Variants in MECOM observed in about 807,000 individuals in gnomAD.
The protein encoded by MECOM is MDS1 and EVI1 complex locus.
In MECOM, 13 loss-of-function variants were observed where a neutral mutation model predicts 116.3. The ratio of observed to expected loss-of-function variants is 0.11; its 90% CI spans 0.07 to 0.18. The LOEUF (loss-of-function observed/expected upper bound fraction) is 0.18, where lower values mean the gene tolerates loss of function less well. Ranked by LOEUF, MECOM falls within the 10% of genes least tolerant of loss-of-function variation. The pLI, the probability that MECOM is intolerant of heterozygous loss-of-function variation, is 1.00. For synonymous variants in MECOM, 528 were observed against 535.2 expected, an observed-to-expected ratio of 0.99 and a Z score of 0.19; for missense variants, 1,299 against 1,509.0, an observed-to-expected ratio of 0.86 and a Z score of 2.31.
chr3:169,494,125 G>A (rs935004355), intron 1 of MECOM, among the ~76,000 whole-genome samples: 57 of 151,888 alleles, frequency 3.8e-4, no homozygotes, highest in African/African-American at 7.7e-4. Flanking sequence ...CCATTTCACC[G>A]TCTTCTCTGC....
Position 169,175,082 on chromosome 3 carries a change from T to C in MECOM, c.376-31250A>G, listed in dbSNP as rs578003195. 5.9e-5 allele frequency among the ~76,000 whole-genome samples: 9 copies of C among 152,280 alleles called. No individual in the cohort carries two copies. The East Asian group carries it at 1.7e-3, about 29-fold the overall frequency. ...CCAATCCCACCTCTGTTGCTTTCTG[T>C]TTCTAGCTCTACAATTTTCAAGTTA... On this transcript the variant is annotated intron_variant, in intron 2 of 16. Transcript: ENST00000651503.
chr3:169,509,147 A>G (rs1353311703), intron 1 of MECOM, among the ~76,000 whole-genome samples: 1 of 152,176 alleles, frequency 6.6e-6, no homozygotes, highest in African/African-American at 2.4e-5. Context: ...TCCCTGTCTA[A>G]GACTAGAACT....
intron 1 of MECOM, among the ~76,000 whole-genome samples, chr3:169,458,696 T>C (rs952313205): frequency 2.6e-5 from 4 of 152,312 alleles, no homozygotes; most frequent in East Asian, 3.9e-4. Context: ...TGACACTTTA[T>C]TGGTATTTTT....
At chr3:169,427,052 G>T (rs1006467978) in intron 1 of MECOM, among the ~76,000 whole-genome samples, 1 of 151,994 alleles carries the variant, frequency 6.6e-6, no homozygotes. Flanking sequence ...AACAAGCATG[G>T]ATATATAACA....
intron 10 of MECOM, among the ~76,000 whole-genome samples, chr3:169,103,881 T>C (rs568452215): frequency 3.4e-4 from 52 of 152,276 alleles, no homozygotes; most frequent in Non-Finnish European, 7.2e-4. Flanking sequence ...GTTCTCTTTT[T>C]TCCCCCTTTA....
intron 1 of MECOM, among the ~76,000 whole-genome samples, chr3:169,406,382 G>T (rs574855608): frequency 1.4e-4 from 22 of 152,262 alleles, no homozygotes; most frequent in Non-Finnish European, 2.8e-4. Context: ...GTCCTTTCCA[G>T]CTTATATTCT....
intron 2 of MECOM, among the ~76,000 whole-genome samples, chr3:169,248,690 C>T (rs138224685): frequency 7.4e-4 from 113 of 152,152 alleles, no homozygotes; most frequent in South Asian, 2.7e-3. Flanking sequence ...GAGCTGTTAT[C>T]GTGGGCCATA....
chr3:169,575,000 C>G (rs1281860763), intron 1 of MECOM, among the ~76,000 whole-genome samples: 1 of 151,990 alleles, frequency 6.6e-6, no homozygotes, highest in Admixed American at 6.5e-5. Context: ...ACAACCGAAG[C>G]AGGGGCAAAG....
rs114584812 is a variant in MECOM, at chr3:169,223,079, C to T, written c.376-79247G>A. Among the ~76,000 whole-genome samples the T allele has an allele frequency of 8.0e-3, 1,210 of 152,122 alleles. 15 individuals are homozygous for T. The highest frequency in any genetic ancestry group is 0.028 in the African/African-American group (1,153 of 41,494). ...CGCTAATTCTGTGGTATAAGAATGA[C>T]TCTAAGTATCTCTGCTTTCATACTG... On this transcript the variant is annotated intron_variant, in intron 2 of 16. Transcript: ENST00000651503.
At chr3:169,378,091 A>G (rs572787961) in intron 2 of MECOM, among the ~76,000 whole-genome samples, 117 of 151,390 alleles carry the variant, frequency 7.7e-4, no homozygotes, top group African/African-American at 2.6e-3. Flanking sequence ...CAAACAGCGC[A>G]TGTTCTCATT....
At chr3:169,163,108 G>C (rs1039529719) in intron 2 of MECOM, among the ~76,000 whole-genome samples, 1 of 152,084 alleles carries the variant, frequency 6.6e-6, no homozygotes, top group Non-Finnish European at 1.5e-5. Context: ...ATTCAGTGCA[G>C]TTTTCTGTGC....
At chr3:169,145,902 C>T (rs2149303435) in intron 2 of MECOM, 1 of 215,492 alleles carries the variant, frequency 4.6e-6, no homozygotes, top group East Asian at 7.0e-5. Context: ...AAGATTTCAC[C>T]ATCATATTAA....
rs188790634 is a variant in MECOM at position 169,542,007 on chromosome 3, A to G, written c.37+121329T>C. Among the ~76,000 whole-genome samples the G allele has an allele frequency of 1.8e-3, 272 of 152,300 alleles. 1 individual carries two copies. Among genetic ancestry groups the G allele is most frequent in the Non-Finnish European group, 3.4e-3 (232 of 68,022 alleles). On this transcript the variant is annotated intron_variant, in intron 1 of 16. Transcript: ENST00000651503. ...GTAGTATAAATGTTCTTGTATTACT[A>G]GAAGGATTATATAAAAGATGTTAAA...
At position 169,623,429 on chromosome 3, in the gene MECOM, T is replaced by A. The variant is rs551596104; in HGVS notation, c.37+39907A>T. ...TTTCACTGAACAAGCAATTAATCAATTCTAGGAGTTCTATGATTTATATAA... is the reference window on the plus strand; with the variant it reads ...TTTCACTGAACAAGCAATTAATCAAATCTAGGAGTTCTATGATTTATATAA... On this transcript the variant is annotated intron_variant, in intron 1 of 16. Coordinates refer to ENST00000651503, the MANE Select transcript of MECOM (RefSeq NM_004991.4). 2.6e-5 allele frequency among the ~76,000 whole-genome samples: 4 copies of A among 152,208 alleles called. No homozygotes were observed. The South Asian group carries it at 8.3e-4, about 32-fold the overall frequency.
intron 1 of MECOM, among the ~76,000 whole-genome samples, chr3:169,429,649 A>G (rs1204130797): frequency 2.0e-5 from 3 of 152,208 alleles, no homozygotes; most frequent in Non-Finnish European, 4.4e-5. Context: ...CAGTAGCTAG[A>G]TGTAGTAACA....
intron 2 of MECOM, among the ~76,000 whole-genome samples, chr3:169,214,391 T>C (rs1751160172): frequency 6.6e-6 from 1 of 151,254 alleles, no homozygotes; most frequent in Admixed American, 6.6e-5. Flanking sequence ...GACACACTGA[T>C]GTTTACAAAC....
At chr3:169,662,646 A>AGCGCCGCGCC (rs1288841856) in intron 1 of MECOM, among the ~76,000 whole-genome samples, 2 of 121,544 alleles carry the variant, frequency 1.6e-5, no homozygotes, top group African/African-American at 3.1e-5. Context: ...CCCGCCGCGC[A>AGCGCCGCGCC]GCGCCGCGCC....
intron 1 of MECOM, among the ~76,000 whole-genome samples, chr3:169,582,783 G>GCACATTGTA (rs2109551067): frequency 6.6e-6 from 1 of 152,296 alleles, no homozygotes; most frequent in African/African-American, 2.4e-5. Context: ...CCAGGAGGAG[G>GCACATTGTA]CACATTGTAC....
At chr3:169,479,785 G>T (rs569574726) in intron 1 of MECOM, among the ~76,000 whole-genome samples, 2 of 152,022 alleles carry the variant, frequency 1.3e-5, no homozygotes, top group African/African-American at 4.8e-5. Context: ...TCCTTATAGG[G>T]ACCTGAAAAG....
Sources: gnomAD v4.1 joint callset for allele counts (sites outside exome capture counted in the v4.1 genomes callset) on GRCh38, gnomAD v4.1.1 for gene constraint, MANE v1.5 for transcripts, NCBI Gene and HGNC (gene_info 2026-07-23, HGNC 2026-07-21) for gene names.